Variants in ASPM observed in about 807,000 individuals in gnomAD.
ASPM encodes abnormal spindle-like microcephaly-associated protein.
ASPM carries 256 observed loss-of-function variants against 366.4 expected under a neutral mutation model. The ratio of observed to expected loss-of-function variants is 0.70; its 90% CI spans 0.63 to 0.77. ASPM has a LOEUF of 0.77. Among genes scored for constraint, ASPM ranks in the 30% least tolerant of loss-of-function variants. ASPM has a pLI of 0.00. For missense variants in ASPM, 4,146 were observed against 4,090.4 expected (o/e 1.01, Z -0.37); for synonymous variants, 1,414 against 1,342.9 (o/e 1.05, Z -1.16).
At chr1:197,087,546 AGCAATTATAGTCAACAC>A (rs1656634857) in intron 26 of ASPM, among the ~76,000 whole-genome samples, 1 of 106,300 alleles carries the variant, frequency 9.4e-6, no homozygotes, top group East Asian at 1.9e-3. Flanking sequence ...TAGTCAACAT[AGCAATTATAGTCAACAC>A]ACCTATCATA....
chr1:197,086,804 T>G lies in ASPM; in HGVS notation c.10330A>C (p.Arg3444=), dbSNP rs140231146. ...TATGGACTATATTTAATTGCTTACC[T>G]TGAAACTATTCTGGTCCTTACAGGT... The part of the protein sequence containing the change: ...ETPVRTRIVS[R]LKPDWVLRRD... The change falls in exon 27 of 28, where the codon AGA becomes CGA. Residue 3444 remains arginine, a splice_region_variant and synonymous_variant. Transcript: ENST00000367409. 14 of 1,604,530 alleles carry G rather than the reference T, an allele frequency of 8.7e-6. No individual in the cohort carries two copies. In the African/African-American group the frequency reaches 1.9e-4, roughly 21 times the overall value.
chr1:197,136,662 C>T (rs550274012), intron 4 of ASPM, among the ~76,000 whole-genome samples: 12 of 151,708 alleles, frequency 7.9e-5, no homozygotes, highest in African/African-American at 2.9e-4. Flanking sequence ...AGAATAGAAA[C>T]AAAACTTGTC....
At chr1:197,092,542 C>G (rs1462352016) in intron 21 of ASPM, among the ~76,000 whole-genome samples, 1 of 151,874 alleles carries the variant, frequency 6.6e-6, no homozygotes, top group Non-Finnish European at 1.5e-5. Flanking sequence ...GTTTAATAAA[C>G]AAAATACAAA....
At chr1:197,121,235 C>T (rs748133195) in intron 16 of ASPM, among the ~76,000 whole-genome samples, 4 of 151,392 alleles carry the variant, frequency 2.6e-5, no homozygotes, top group East Asian at 3.9e-4. Flanking sequence ...TCAAGGAGGC[C>T]GTTTCTTAGA....
rs1324655133 is a variant in ASPM at position 197,089,931 on chromosome 1, T to C, written c.9983A>G (p.Lys3328Arg). The change falls in exon 25 of 28, where the codon AAG becomes AGG. Residue 3328 changes from lysine to arginine, a missense_variant and splice_region_variant. Around this residue, in one of 3 missense-constraint regions of ASPM, gnomAD observed 3,624 missense variants for 3,591.7 expected, o/e 1.01. Coordinates refer to ENST00000367409, the MANE Select transcript of ASPM (RefSeq NM_018136.5). ...YAVQVLLNVS[K>R]YEKTTSAVYD... ...CTCATTAATAAAATGAAAAACTACC[T>C]TAGATACATTAAGCAAGACTTGCAC... 1 of 1,612,612 alleles carries C rather than the reference T, an allele frequency of 6.2e-7. No homozygotes were observed. Among genetic ancestry groups the C allele is most frequent in the Non-Finnish European group, 8.5e-7 (1 of 1,178,954 alleles).
intron 16 of ASPM, among the ~76,000 whole-genome samples, chr1:197,118,589 T>C (rs1217483006): frequency 1.3e-5 from 2 of 152,032 alleles, no homozygotes; most frequent in Non-Finnish European, 2.9e-5. Flanking sequence ...ACCCCCCATA[T>C]CTCTACTTGT....
Position 197,100,675 on chromosome 1 carries a change from T to C in ASPM, c.8576A>G (p.Gln2859Arg). Residue 2859 changes from glutamine (Q) to arginine (R), a missense_variant, in exon 18 of 28, where the codon CAG becomes CGG. Transcript: ENST00000367409. The part of the protein sequence containing the change: ...MAVYRRRFVQ[Q>R]KRAAITLQHY... Reference sequence around the variant, plus strand: ...CTGTAAAGTGATAGCAGCTCTTTTCTGCTGAACAAATCTTCTCCGATACAC... The same window carrying C: ...CTGTAAAGTGATAGCAGCTCTTTTCCGCTGAACAAATCTTCTCCGATACAC... The C allele has an allele frequency of 6.2e-7, 1 of 1,612,406 alleles. No homozygotes were observed. Among genetic ancestry groups the C allele is most frequent in the Middle Eastern group, 1.7e-4 (1 of 6,058 alleles).
intron 5 of ASPM, 21 bp from the exon 6 acceptor site, chr1:197,133,616 G>A: frequency 6.2e-7 from 1 of 1,607,424 alleles, no homozygotes; most frequent in South Asian, 1.1e-5. Flanking sequence ...ACAAAAGAAA[G>A]AATGTTTCTG....
intron 10 of ASPM, 105 bp downstream of exon 10, chr1:197,128,385 A>T: frequency 8.7e-7 from 1 of 1,149,074 alleles, no homozygotes; most frequent in Non-Finnish European, 1.3e-6. Flanking sequence ...TACTAAATTT[A>T]TTGTACTACT....
At chr1:197,098,015 T>TAC (rs759520305) in intron 18 of ASPM, among the ~76,000 whole-genome samples, 103 of 135,762 alleles carry the variant, frequency 7.6e-4, no homozygotes, top group Non-Finnish European at 1.4e-3. Context: ...TATATATATA[T>TAC]ACACACACAC....
At position 197,102,543 on chromosome 1, in the gene ASPM, A is replaced by G. The variant is rs778859631; in HGVS notation, c.6708T>C (p.Tyr2236=). 2 of 1,612,454 alleles carry G rather than the reference A, an allele frequency of 1.2e-6. No homozygotes were observed. Among genetic ancestry groups the G allele is most frequent in the Non-Finnish European group, 1.7e-6 (2 of 1,179,204 alleles). The part of the protein sequence containing the change: ...MKERNIQFQR[Y]NKLRHSVIYI... Reference sequence around the variant, plus strand: ...ATATTACAGAATGCCTCAGTTTGTTATACCTTTGAAATTGTATGTTTCTTT... The same window carrying G: ...ATATTACAGAATGCCTCAGTTTGTTGTACCTTTGAAATTGTATGTTTCTTT... Residue 2236 remains tyrosine (Y), a synonymous_variant, in exon 18 of 28, where the codon TAT becomes TAC. Transcript: ENST00000367409.
Position 197,102,841 on chromosome 1 carries a change from T to C in ASPM, c.6410A>G (p.His2137Arg). ...AACAATAGCTGCTTTTCTCATTGTA[T>C]GGTAACTTATTCTTGACTGATGCAT... is the stretch of plus-strand genomic sequence containing the variant. ...FKMHQSRISY[H>R]TMRKAAIVIQ... Residue 2137 changes from histidine to arginine, a missense_variant, in exon 18 of 28, where the codon CAT becomes CGT. Physicochemically the swap from His to Arg is conservative, Grantham distance 29 (BLOSUM62 0). Around this residue, in one of 3 missense-constraint regions of ASPM, gnomAD observed 3,624 missense variants for 3,591.7 expected, o/e 1.01. Transcript: ENST00000367409. 1.9e-6 allele frequency: 3 copies of C among 1,612,526 alleles called. No individual in the cohort carries two copies. The highest frequency in any genetic ancestry group is 2.5e-6 in the Non-Finnish European group (3 of 1,179,244).
chr1:197,097,822 T>G (rs1259247458), intron 18 of ASPM, among the ~76,000 whole-genome samples: 1 of 151,606 alleles, frequency 6.6e-6, no homozygotes, highest in Non-Finnish European at 1.5e-5. Context: ...CATTTTGGTG[T>G]TTTTGTTTTT....
chr1:197,129,850 GA>G, intron 8 of ASPM, 64 bp downstream of exon 8: 13 of 1,551,314 alleles, frequency 8.4e-6, no homozygotes, highest in Non-Finnish European at 1.2e-5. Flanking sequence ...ACAGAAACAG[GA>G]AGAATGACAA....
chr1:197,140,971 A>C (rs1343943279), intron 3 of ASPM, among the ~76,000 whole-genome samples: 1 of 152,186 alleles, frequency 6.6e-6, no homozygotes, highest in Non-Finnish European at 1.5e-5. Flanking sequence ...ATCAAAGAAA[A>C]TGCAATACAA....
At chr1:197,091,590 T>A (rs1656788025) in intron 22 of ASPM, among the ~76,000 whole-genome samples, 1 of 151,990 alleles carries the variant, frequency 6.6e-6, no homozygotes, top group Non-Finnish European at 1.5e-5. Flanking sequence ...CTATTTCCCA[T>A]TCATTAGAAT....
In ASPM at chr1:197,117,932, C is replaced by T; in HGVS notation, c.3922G>A (p.Ala1308Thr). The T allele has an allele frequency of 6.2e-7, 1 of 1,613,432 alleles. No individual in the cohort carries two copies. The highest frequency in any genetic ancestry group is 8.5e-7 in the Non-Finnish European group (1 of 1,179,672). ...IIQLAVINFL[A>T]KQRLRKRVNA... Reference sequence around the variant, plus strand: ...ACTCTTTTTCTCAATCTTTGTTTTGCTAGAAAATTGATTACAGCCAATTGA... The same window carrying T: ...ACTCTTTTTCTCAATCTTTGTTTTGTTAGAAAATTGATTACAGCCAATTGA... The change falls in exon 17 of 28, where the codon GCA (alanine) becomes ACA (threonine). Residue 1308 changes from alanine (A) to threonine (T), a missense_variant. Ala to Thr is a moderately conservative substitution (Grantham distance 58). Around this residue, in one of 3 missense-constraint regions of ASPM, gnomAD observed 3,624 missense variants for 3,591.7 expected, o/e 1.01. Transcript: ENST00000367409.
rs1369607007 is a variant in ASPM at position 197,100,961 on chromosome 1, CCT to C, written c.8288_8289del (p.Glu2763GlyfsTer8). ...TGGTTAACAATGGCTGCCATCTTTT[CCT>C]CTGATACATTTTTCAATTTTTGTCT... The part of the protein sequence containing the change: ...KVRQKLKNVS[E>X]EKMAAIVNQS... On this transcript the variant is annotated frameshift_variant, in exon 18 of 28. Coordinates refer to ENST00000367409, the MANE Select transcript of ASPM (RefSeq NM_018136.5). LOFTEE classifies it high-confidence loss of function. The C allele has an allele frequency of 1.9e-6, 3 of 1,612,452 alleles. No homozygotes were observed. In the African/African-American group the frequency reaches 4.0e-5, roughly 22 times the overall value.
rs112230218 is a variant in ASPM, at chr1:197,103,622, C to A, written c.5629G>T (p.Ala1877Ser). 1 of 1,612,906 alleles carries A rather than the reference C, an allele frequency of 6.2e-7. No individual in the cohort carries two copies. The highest frequency in any genetic ancestry group is 1.1e-5 in the South Asian group (1 of 91,058). ...TRTHFLKTKA[A>S]VISLQSAYRG... is the part of the protein sequence containing the mutation. Reference sequence around the variant, plus strand: ...TAAGCAGACTGGAGGGAAATCACAGCTGCCTTTGTCTTCAAAAAATGTGTT... The same window carrying A: ...TAAGCAGACTGGAGGGAAATCACAGATGCCTTTGTCTTCAAAAAATGTGTT... Residue 1877 changes from alanine (A) to serine (S), a missense_variant, in exon 18 of 28, where the codon GCT becomes TCT. Ala to Ser is a moderately conservative substitution (Grantham distance 99). Around this residue, in one of 3 missense-constraint regions of ASPM, gnomAD observed 3,624 missense variants for 3,591.7 expected, o/e 1.01. Transcript: ENST00000367409.
Sources: gnomAD v4.1 joint callset for allele counts (sites outside exome capture counted in the v4.1 genomes callset) on GRCh38, gnomAD v4.1.1 for gene constraint, gnomAD v4.1.1 regional missense constraint, MANE v1.5 for transcripts, NCBI Gene and HGNC (gene_info 2026-07-23, HGNC 2026-07-21) for gene names.